Variants in JMJD1C observed in about 807,000 individuals in gnomAD.
JMJD1C encodes jumonji domain-containing protein 1C.
JMJD1C carries 31 observed loss-of-function variants against 245.3 expected under a neutral mutation model. That is an observed-to-expected ratio of 0.13 (90% CI 0.09 to 0.17). The LOEUF is 0.17. Among genes scored for constraint, JMJD1C ranks in the 10% least tolerant of loss-of-function variants. JMJD1C has a pLI of 1.00. For missense variants in JMJD1C, 2,691 were observed against 3,000.2 expected (o/e 0.90, Z 2.41); for synonymous variants, 1,057 against 1,017.4 (o/e 1.04, Z -0.74).
At chr10:63,479,951 ATT>A (rs1953779181) in intron 1 of JMJD1C, among the ~76,000 whole-genome samples, 1 of 152,206 alleles carries the variant, frequency 6.6e-6, no homozygotes, top group Non-Finnish European at 1.5e-5. Context: ...AAGACTAAAT[ATT>A]ATCAGTGGAT....
intron 3 of JMJD1C, among the ~76,000 whole-genome samples, chr10:63,239,512 T>C (rs1330088690): frequency 2.0e-5 from 3 of 152,172 alleles, no homozygotes; most frequent in African/African-American, 7.2e-5. Context: ...TGGCACAATC[T>C]TGGCTCACTG....
At chr10:63,375,018 G>A (rs2893919) in intron 2 of JMJD1C, among the ~76,000 whole-genome samples, 64,750 of 151,708 alleles carry the variant, frequency 0.43, 14,425 homozygotes, top group South Asian at 0.53. Context: ...GTCTTTTTCT[G>A]GTCTAATTTC....
chr10:63,369,880 G>C (rs189180459), intron 2 of JMJD1C, among the ~76,000 whole-genome samples: 1 of 152,218 alleles, frequency 6.6e-6, no homozygotes, highest in East Asian at 1.9e-4. Context: ...TTGGCCACTG[G>C]ACAGTTTAAC....
At chr10:63,337,972 A>C (rs529163024) in intron 2 of JMJD1C, among the ~76,000 whole-genome samples, 1 of 152,350 alleles carries the variant, frequency 6.6e-6, no homozygotes, top group East Asian at 1.9e-4. Context: ...ATAAGAGGTT[A>C]AATAACATAC....
intron 1 of JMJD1C, among the ~76,000 whole-genome samples, chr10:63,490,049 C>T (rs921017993): frequency 6.6e-6 from 1 of 152,082 alleles, no homozygotes; most frequent in East Asian, 1.9e-4. Context: ...GAATCTAATG[C>T]CTGATGATCT....
intron 1 of JMJD1C, among the ~76,000 whole-genome samples, chr10:63,402,777 G>T (rs1328977469): frequency 2.0e-5 from 3 of 151,984 alleles, no homozygotes; most frequent in Non-Finnish European, 4.4e-5. Context: ...TCCTTTTTGT[G>T]TGTGGAATAA....
intron 1 of JMJD1C, among the ~76,000 whole-genome samples, chr10:63,495,598 C>T (rs1473585723): frequency 6.6e-6 from 1 of 151,622 alleles, no homozygotes; most frequent in African/African-American, 2.4e-5. Flanking sequence ...ATGGTGAAAC[C>T]CCCGTCTCTA....
chr10:63,490,417 A>ATTTTTTTTT (rs113478578), intron 1 of JMJD1C, among the ~76,000 whole-genome samples: 1 of 118,526 alleles, frequency 8.4e-6, no homozygotes, highest in Non-Finnish European at 1.7e-5. Flanking sequence ...TTATTTATTT[A>ATTTTTTTTT]TTTTATTTTT....
chr10:63,313,457 C>T (rs146284077), intron 2 of JMJD1C, among the ~76,000 whole-genome samples: 1 of 152,186 alleles, frequency 6.6e-6, no homozygotes, highest in Non-Finnish European at 1.5e-5. Context: ...TGGGTAGACA[C>T]CCAGTAGTGA....
chr10:63,230,774 C>T lies in JMJD1C; in HGVS notation c.448-10791G>A, dbSNP rs191837826. 3.7e-4 allele frequency among the ~76,000 whole-genome samples: 56 copies of T among 150,910 alleles called. 2 individuals carry two copies. Among genetic ancestry groups the T allele is most frequent in the African/African-American group, 1.1e-3 (47 of 41,256 alleles). Reference sequence around the variant, plus strand: ...TAGGTGACAGAGTGAGACTGTCCCCCCCCCCAAAAAAAATAAATAAAAAAT... The same window carrying T: ...TAGGTGACAGAGTGAGACTGTCCCCTCCCCCAAAAAAAATAAATAAAAAAT... On this transcript the variant is annotated intron_variant, in intron 3 of 25. Transcript: ENST00000399262.
At chr10:63,336,350 T>C (rs540408138) in intron 2 of JMJD1C, among the ~76,000 whole-genome samples, 1 of 151,882 alleles carries the variant, frequency 6.6e-6, no homozygotes, top group East Asian at 1.9e-4. Context: ...CCCAGCTACT[T>C]GGGAGGCTGA....
At chr10:63,193,981 A>G (rs1285782585) in intron 14 of JMJD1C, among the ~76,000 whole-genome samples, 1 of 152,100 alleles carries the variant, frequency 6.6e-6, no homozygotes, top group East Asian at 1.9e-4. Flanking sequence ...TATGTTCTCT[A>G]TTCTTTTCTC....
chr10:63,436,697 A>T (rs1951076471), intron 1 of JMJD1C, among the ~76,000 whole-genome samples: 1 of 151,868 alleles, frequency 6.6e-6, no homozygotes, highest in Admixed American at 6.6e-5. Flanking sequence ...CTCTTCTTTA[A>T]TGATTTTGTC....
chr10:63,459,638 G>C (rs980309715), intron 1 of JMJD1C, among the ~76,000 whole-genome samples: 2 of 152,138 alleles, frequency 1.3e-5, no homozygotes, highest in African/African-American at 4.8e-5. Flanking sequence ...AAAATCATCA[G>C]AGTTATACAA....
At chr10:63,203,337 C>G in intron 10 of JMJD1C, 1 of 984,250 alleles carries the variant, frequency 1.0e-6, no homozygotes, top group Non-Finnish European at 1.2e-6. Flanking sequence ...AAATACCTAA[C>G]TCAATGGATA....
intron 1 of JMJD1C, among the ~76,000 whole-genome samples, chr10:63,449,681 GA>G (rs1386987831): frequency 6.6e-6 from 1 of 152,076 alleles, no homozygotes; most frequent in Non-Finnish European, 1.5e-5. Context: ...CGTATATGAA[GA>G]AAATCATATC....
At chr10:63,479,138 T>G (rs1442086129) in intron 1 of JMJD1C, among the ~76,000 whole-genome samples, 2 of 152,162 alleles carry the variant, frequency 1.3e-5, no homozygotes, top group Non-Finnish European at 2.9e-5. Flanking sequence ...TATACACTTT[T>G]TACGTATTAT....
At chr10:63,423,513 C>T (rs555758365) in intron 1 of JMJD1C, among the ~76,000 whole-genome samples, 5 of 152,266 alleles carry the variant, frequency 3.3e-5, no homozygotes, top group South Asian at 2.1e-4. Flanking sequence ...AATGATATTC[C>T]ACTGTATTAT....
intron 1 of JMJD1C, among the ~76,000 whole-genome samples, chr10:63,477,838 G>A (rs1953710933): frequency 6.6e-6 from 1 of 152,126 alleles, no homozygotes; most frequent in African/African-American, 2.4e-5. Flanking sequence ...ATATCTGATA[G>A]AGGATTAATA....
Sources: gnomAD v4.1 joint callset for allele counts (sites outside exome capture counted in the v4.1 genomes callset) on GRCh38, gnomAD v4.1.1 for gene constraint, MANE v1.5 for transcripts, NCBI Gene and HGNC (gene_info 2026-07-23, HGNC 2026-07-21) for gene names.